The following RAPGEF5 variants were observed in gnomAD, a reference collection of about 807,000 sequenced individuals.
RAPGEF5 encodes M-Ras-regulated GEF.
A neutral mutation model predicts 125.2 loss-of-function variants in RAPGEF5; 65 were observed. That is an observed-to-expected ratio of 0.52 (90% confidence interval 0.43 to 0.64). The LOEUF is 0.64. Among genes scored for constraint, RAPGEF5 ranks in the 30% least tolerant of loss-of-function variants. The pLI is 0.00. For missense variants in RAPGEF5, 958 were observed against 1,048.1 expected (o/e 0.91, Z 1.19); for synonymous variants, 391 against 385.9 (o/e 1.01, Z -0.16).
chr7:22,280,344 G>A (rs1037633207), intron 6 of RAPGEF5, among the ~76,000 whole-genome samples: 1 of 152,178 alleles, frequency 6.6e-6, no homozygotes, highest in African/African-American at 2.4e-5. Flanking sequence ...GTGAAGCAGA[G>A]GAGGAGGTAG....
chr7:22,323,871 TG>T (rs34408882), intron 1 of RAPGEF5, among the ~76,000 whole-genome samples: 1 of 152,170 alleles, frequency 6.6e-6, no homozygotes, highest in Non-Finnish European at 1.5e-5. Flanking sequence ...CCCTTCCTCA[TG>T]GGATTATTTT....
At chr7:22,272,916 C>T (rs1782468920) in intron 6 of RAPGEF5, among the ~76,000 whole-genome samples, 1 of 151,960 alleles carries the variant, frequency 6.6e-6, no homozygotes, top group African/African-American at 2.4e-5. Flanking sequence ...GCCACCATGC[C>T]CAGCTAATTT....
chr7:22,310,161 T>C, intron 3 of RAPGEF5, 71 bp from the exon 4 acceptor site: 1 of 1,354,866 alleles, frequency 7.4e-7, no homozygotes, highest in Non-Finnish European at 9.5e-7. Context: ...AAAAATGATA[T>C]ATAATACCTT....
chr7:22,348,890 C>A (rs1562541138), intron 1 of RAPGEF5, among the ~76,000 whole-genome samples: 2 of 152,052 alleles, frequency 1.3e-5, no homozygotes, highest in Admixed American at 1.3e-4. Context: ...AGTTTGAGAC[C>A]AGCCTGGCCA....
At chr7:22,178,346 A>G (rs1784573664) in intron 11 of RAPGEF5, among the ~76,000 whole-genome samples, 1 of 152,204 alleles carries the variant, frequency 6.6e-6, no homozygotes, top group Non-Finnish European at 1.5e-5. Flanking sequence ...TGAGTTTCCT[A>G]TAATTCAATT....
chr7:22,329,485 A>C (rs1370269131), intron 1 of RAPGEF5, among the ~76,000 whole-genome samples: 1 of 152,238 alleles, frequency 6.6e-6, no homozygotes, highest in African/African-American at 2.4e-5. Flanking sequence ...CCCGCAGTCT[A>C]GTCCAGACAC....
At chr7:22,273,283 A>G (rs1782482605) in intron 6 of RAPGEF5, among the ~76,000 whole-genome samples, 1 of 142,998 alleles carries the variant, frequency 7.0e-6, no homozygotes, top group Non-Finnish European at 1.5e-5. Flanking sequence ...CAGTGGCGCA[A>G]TCTCGGCTCA....
At position 22,194,057 on chromosome 7, in the gene RAPGEF5, G is replaced by A. The variant is rs553975470; in HGVS notation, c.997-24C>T. On this transcript the variant is annotated intron_variant, in intron 9 of 25. Transcript: ENST00000665637. ...TGCTTTAATTGTGGACAGGGATGAT[G>A]GATGAGAGAAGGAAAAAGAGAGAGA... is the stretch of plus-strand genomic sequence containing the variant. 1.3e-5 allele frequency: 21 copies of A among 1,572,748 alleles called. No homozygotes were observed. The East Asian group carries it at 4.3e-4, about 32-fold the overall frequency.
chr7:22,160,481 C>G, intron 14 of RAPGEF5, 37 bp downstream of exon 14: 1 of 1,521,110 alleles, frequency 6.6e-7, no homozygotes, highest in Middle Eastern at 2.2e-4. Flanking sequence ...CTGCTGTTTT[C>G]TTTCATTAAC....
intron 12 of RAPGEF5, among the ~76,000 whole-genome samples, chr7:22,163,319 T>C (rs950346341): frequency 6.6e-6 from 1 of 152,232 alleles, no homozygotes; most frequent in Admixed American, 6.5e-5. Context: ...TAAGTTATTA[T>C]ATATGCATTT....
At position 22,136,038 on chromosome 7, in the gene RAPGEF5, C is replaced by A; in HGVS notation, c.2416G>T (p.Asp806Tyr). Residue 806 changes from aspartate (D) to tyrosine (Y), a missense_variant and splice_region_variant, in exon 23 of 26, where the codon GAT becomes TAT. Physicochemically the swap from Asp to Tyr is radical, Grantham distance 160. Transcript: ENST00000665637. ...GGCATAAAAGATAGAAAATCATTAC[C>A]TTTAAGCAATAAGGGCATGAAAGGG... is the stretch of plus-strand genomic sequence containing the variant. ...KIPFMPLLLK[D>Y]VTFIHEGNKT... is the part of the protein sequence containing the mutation. 6.3e-7 allele frequency: 1 copy of A among 1,589,916 alleles called. No homozygotes were observed. Among genetic ancestry groups the A allele is most frequent in the Non-Finnish European group, 8.6e-7 (1 of 1,160,162 alleles).
chr7:22,299,027 T>A (rs1783133861), intron 5 of RAPGEF5, among the ~76,000 whole-genome samples: 1 of 152,008 alleles, frequency 6.6e-6, no homozygotes, highest in Non-Finnish European at 1.5e-5. Flanking sequence ...ACCTTTTTTT[T>A]TTTTTTCAAA....
At chr7:22,150,199 C>T (rs1052428929) in intron 18 of RAPGEF5, among the ~76,000 whole-genome samples, 3 of 150,662 alleles carry the variant, frequency 2.0e-5, no homozygotes, top group African/African-American at 7.3e-5. Flanking sequence ...CCCACCTCAG[C>T]ACACACCTAG....
intron 9 of RAPGEF5, among the ~76,000 whole-genome samples, chr7:22,199,224 A>G (rs766355741): frequency 2.2e-4 from 34 of 152,168 alleles, no homozygotes; most frequent in South Asian, 2.1e-4. Context: ...CCACAGCTCA[A>G]CCAGCTCAGA....
intron 6 of RAPGEF5, among the ~76,000 whole-genome samples, chr7:22,269,806 G>A (rs1019325377): frequency 3.0e-4 from 45 of 152,178 alleles, no homozygotes; most frequent in African/African-American, 1.1e-3. Flanking sequence ...TCAAATAACT[G>A]AGGCTCTGGC....
chr7:22,156,106 T>C (rs1266275469), intron 16 of RAPGEF5, among the ~76,000 whole-genome samples: 2 of 152,158 alleles, frequency 1.3e-5, no homozygotes, highest in African/African-American at 4.8e-5. Context: ...GTTCCAGAAA[T>C]TGGGCAAATA....
At chr7:22,293,196 C>T (rs1027912080) in intron 5 of RAPGEF5, among the ~76,000 whole-genome samples, 3 of 152,242 alleles carry the variant, frequency 2.0e-5, no homozygotes, top group African/African-American at 7.2e-5. Context: ...TTCTGGCTCT[C>T]CCCTGAGCTT....
chr7:22,343,901 C>T (rs565286177), intron 1 of RAPGEF5, among the ~76,000 whole-genome samples: 3 of 150,692 alleles, frequency 2.0e-5, no homozygotes, highest in African/African-American at 4.9e-5. Context: ...AGGGTGTCTG[C>T]GGAAAAAAAA....
At chr7:22,241,573 T>A (rs1006793572) in intron 7 of RAPGEF5, among the ~76,000 whole-genome samples, 60 of 152,220 alleles carry the variant, frequency 3.9e-4, no homozygotes, top group African/African-American at 1.4e-3. Flanking sequence ...TGAAATTACA[T>A]CAACTCACCA....
Sources: allele counts gnomAD v4.1 joint callset (sites outside exome capture counted in the v4.1 genomes callset), GRCh38; gene constraint gnomAD v4.1.1; transcripts MANE v1.5; gene names NCBI Gene and HGNC (gene_info 2026-07-23, HGNC 2026-07-21).